The following CEP57 variants were observed in gnomAD, a reference collection of about 807,000 sequenced individuals.
CEP57 encodes centrosomal protein 57.
CEP57 carries 40 observed loss-of-function variants against 68.0 expected under a neutral mutation model. That is an observed-to-expected ratio of 0.59 (90% CI 0.46 to 0.77). The LOEUF (loss-of-function observed/expected upper bound fraction) is 0.77, where lower values mean the gene tolerates loss of function less well. CEP57 is among the 30% of genes least tolerant of loss of function. The pLI, the probability that CEP57 is intolerant of heterozygous loss-of-function variation, is 0.00. For missense variants in CEP57, 606 were observed against 580.7 expected (o/e 1.04, Z -0.45); for synonymous variants, 219 against 198.7 (o/e 1.10, Z -0.86).
At chr11:95,794,966 A>G (rs1030057138) in intron 1 of CEP57, among the ~76,000 whole-genome samples, 1 of 152,140 alleles carries the variant, frequency 6.6e-6, no homozygotes, top group South Asian at 2.1e-4. Flanking sequence ...GTTCATTTCC[A>G]TATGTGTATG....
At position 95,803,745 on chromosome 11, in the gene CEP57, C is replaced by CTT. The variant is rs35320796; in HGVS notation, c.202+4365_202+4366dup. On this transcript the variant is annotated intron_variant, in intron 2 of 10. Transcript: ENST00000325542. ...TTCATTTTTTCTAGCTACAAAAGAG[C>CTT]TTTTTTTTTGCCTAGCAGGAAACAT... 5.3e-3 allele frequency among the ~76,000 whole-genome samples: 789 copies of CTT among 149,332 alleles called. 11 individuals are homozygous for CTT. In the East Asian group the frequency reaches 0.072, roughly 14 times the overall value.
In CEP57 at chr11:95,827,859, C is replaced by G; in HGVS notation, c.959C>G (p.Ala320Gly). Reference protein sequence around the residue: ...VLHLMKQHSKALCNDRVINSI... With the variant: ...VLHLMKQHSKGLCNDRVINSI... ...CATCTAATGAAGCAACACAGTAAAG[C>G]TTTGTGCAATGATCGAGTCATCAAC... Residue 320 changes from alanine (A) to glycine (G), a missense_variant, in exon 9 of 11, where the codon GCT (alanine) becomes GGT (glycine). Coordinates refer to ENST00000325542, the MANE Select transcript of CEP57 (RefSeq NM_014679.5). 1 of 1,614,052 alleles carries G rather than the reference C, an allele frequency of 6.2e-7. No homozygotes were observed. The highest frequency in any genetic ancestry group is 8.5e-7 in the Non-Finnish European group (1 of 1,179,988).
rs373457768 is a variant in CEP57 at position 95,809,302 on chromosome 11, C to T, written c.203-3630C>T. 7.2e-5 allele frequency among the ~76,000 whole-genome samples: 11 copies of T among 152,076 alleles called. No individual in the cohort carries two copies. In the East Asian group the frequency reaches 7.7e-4, roughly 11 times the overall value. ...ATCACAATTAAAAGAACTAGAAAAG[C>T]AAGAGCAAACACATTCAAAAGCTAG... is the stretch of plus-strand genomic sequence containing the variant. On this transcript the variant is annotated intron_variant, in intron 2 of 10. Coordinates refer to ENST00000325542, the MANE Select transcript of CEP57 (RefSeq NM_014679.5).
chr11:95,807,563 A>C (rs760385480), intron 2 of CEP57, among the ~76,000 whole-genome samples: 8 of 152,220 alleles, frequency 5.3e-5, no homozygotes, highest in Non-Finnish European at 1.0e-4. Flanking sequence ...TGAGAACTAC[A>C]TGACGCATGC....
chr11:95,825,949 A>G (rs1862726403), intron 8 of CEP57: 2 of 152,200 alleles, frequency 1.3e-5, no homozygotes, highest in South Asian at 4.1e-4. Context: ...CGACCCTTCT[A>G]TGATACATCA....
intron 4 of CEP57, among the ~76,000 whole-genome samples, chr11:95,817,316 G>A (rs1862338458): frequency 6.6e-6 from 1 of 151,956 alleles, no homozygotes; most frequent in Non-Finnish European, 1.5e-5. Flanking sequence ...GCGGTGAGCC[G>A]AGATCAGCCA....
chr11:95,790,821 G>T, intron 1 of CEP57, 78 bp downstream of exon 1: 1 of 1,533,884 alleles, frequency 6.5e-7, no homozygotes, highest in Non-Finnish European at 8.9e-7. Flanking sequence ...TCAGGGCGCT[G>T]TCAGTCCAGC....
At chr11:95,826,974 T>A (rs1376460676) in intron 8 of CEP57, 2 of 152,182 alleles carry the variant, frequency 1.3e-5, no homozygotes, top group Non-Finnish European at 2.9e-5. Context: ...ATCTGGCTAA[T>A]CAAAATCAAC....
At chr11:95,798,612 G>A (rs774129380) in intron 1 of CEP57, among the ~76,000 whole-genome samples, 1 of 152,176 alleles carries the variant, frequency 6.6e-6, no homozygotes, top group Non-Finnish European at 1.5e-5. Context: ...TCCACAGTTA[G>A]CATCTCCTGG....
intron 2 of CEP57, among the ~76,000 whole-genome samples, chr11:95,808,180 T>C (rs892846585): frequency 6.6e-6 from 1 of 152,120 alleles, no homozygotes; most frequent in Admixed American, 6.6e-5. Flanking sequence ...GAGATTTTGT[T>C]ACCACCAGGC....
chr11:95,825,889 T>A (rs889674160), intron 8 of CEP57: 1 of 152,104 alleles, frequency 6.6e-6, no homozygotes, highest in Non-Finnish European at 1.5e-5. Context: ...CCCACTGTAA[T>A]CCCAGTGGCT....
chr11:95,813,241 G>T, intron 3 of CEP57, 130 bp downstream of exon 3: 4 of 1,087,868 alleles, frequency 3.7e-6, no homozygotes, highest in Non-Finnish European at 5.3e-6. Flanking sequence ...TTGTATTCTG[G>T]TGCATTTTGA....
intron 2 of CEP57, among the ~76,000 whole-genome samples, chr11:95,799,748 T>A (rs946410730): frequency 6.6e-6 from 1 of 152,216 alleles, no homozygotes; most frequent in South Asian, 2.1e-4. Flanking sequence ...GTAGCCCAGA[T>A]GTTCATAGTA....
chr11:95,806,354 G>C (rs549393374), intron 2 of CEP57, among the ~76,000 whole-genome samples: 55 of 152,278 alleles, frequency 3.6e-4, no homozygotes, highest in African/African-American at 1.3e-3. Context: ...TGAGATACCG[G>C]GTTCATCTCA....
chr11:95,824,883 C>A lies in CEP57; in HGVS notation c.885+2307C>A, dbSNP rs1338084943. ...GTCTTTGGGTTTACAACAAGAATGACCCTTTGAGAACCCTTTTTCTAAACT... is the reference window on the plus strand; with the variant it reads ...GTCTTTGGGTTTACAACAAGAATGAACCTTTGAGAACCCTTTTTCTAAACT... On this transcript the variant is annotated intron_variant, in intron 8 of 10. Coordinates refer to ENST00000325542, the MANE Select transcript of CEP57 (RefSeq NM_014679.5). Among the ~76,000 whole-genome samples the A allele has an allele frequency of 2.0e-5, 3 of 152,134 alleles. 1 individual carries two copies. The highest frequency in any genetic ancestry group is 2.0e-4 in the Admixed American group (3 of 15,270).
At chr11:95,820,599 A>G (rs1862481388) in intron 6 of CEP57, among the ~76,000 whole-genome samples, 1 of 150,764 alleles carries the variant, frequency 6.6e-6, no homozygotes, top group Admixed American at 6.6e-5. Flanking sequence ...AAAAAAAAAC[A>G]GTGTTCTGCA....
intron 5 of CEP57, among the ~76,000 whole-genome samples, chr11:95,818,239 C>A (rs1011696427): frequency 6.6e-6 from 1 of 151,748 alleles, no homozygotes; most frequent in African/African-American, 2.4e-5. Context: ...TGGTGAAACC[C>A]CGTATCTACT....
chr11:95,822,111 G>A, intron 7 of CEP57, 133 bp downstream of exon 7: 1 of 722,050 alleles, frequency 1.4e-6, no homozygotes, highest in Non-Finnish European at 2.4e-6. Context: ...TCATTCAGAA[G>A]GTGGAGATAA....
At chr11:95,819,234 T>C (rs1862425746) in intron 6 of CEP57, among the ~76,000 whole-genome samples, 1 of 152,220 alleles carries the variant, frequency 6.6e-6, no homozygotes, top group Admixed American at 6.5e-5. Context: ...ATTTAAAAGC[T>C]ATCTTTCAGT....
Sources: allele counts gnomAD v4.1 joint callset (sites outside exome capture counted in the v4.1 genomes callset), GRCh38; gene constraint gnomAD v4.1.1; transcripts MANE v1.5; gene names NCBI Gene and HGNC (gene_info 2026-07-23, HGNC 2026-07-21).